Variants in GTF2F2 observed in about 807,000 individuals in gnomAD.
GTF2F2 encodes general transcription factor IIF subunit 2, also known as ATP-dependent helicase GTF2F2.
GTF2F2 carries 23 observed loss-of-function variants against 42.2 expected under a neutral mutation model. That is an observed-to-expected ratio of 0.55 (90% CI 0.39 to 0.77). The LOEUF (loss-of-function observed/expected upper bound fraction) is 0.77, where lower values mean the gene tolerates loss of function less well. GTF2F2 is among the 30% of genes least tolerant of loss of function. The pLI is 0.00. For missense variants in GTF2F2, 261 were observed against 287.2 expected, an observed-to-expected ratio of 0.91 and a Z score of 0.66; for synonymous variants, 105 against 100.8, an observed-to-expected ratio of 1.04 and a Z score of -0.25.
intron 4 of GTF2F2, among the ~76,000 whole-genome samples, chr13:45,158,402 T>A (rs1278648321): frequency 6.6e-6 from 1 of 152,236 alleles, no homozygotes; most frequent in East Asian, 1.9e-4. Context: ...TTTTTCTTTA[T>A]AAATTACCCA....
chr13:45,124,038 T>G, intron 1 of GTF2F2: 4 of 1,139,110 alleles, frequency 3.5e-6, no homozygotes, highest in Non-Finnish European at 1.3e-6. Context: ...ATGTGGGCCA[T>G]GAGGTCCCCC....
chr13:45,259,550 A>G (rs1374409525), intron 6 of GTF2F2, among the ~76,000 whole-genome samples: 3 of 152,174 alleles, frequency 2.0e-5, no homozygotes, highest in Non-Finnish European at 4.4e-5. Flanking sequence ...ACTGAACCAA[A>G]GAGATGAGAA....
At chr13:45,160,463 A>C (rs977710378) in intron 4 of GTF2F2, among the ~76,000 whole-genome samples, 3 of 152,218 alleles carry the variant, frequency 2.0e-5, no homozygotes, top group African/African-American at 7.2e-5. Flanking sequence ...ACTCTCTTAC[A>C]TTAAATTCAC....
At chr13:45,245,666 A>AAAAT (rs1491331653) in intron 5 of GTF2F2, among the ~76,000 whole-genome samples, 51 of 110,860 alleles carry the variant, frequency 4.6e-4, no homozygotes, top group Admixed American at 1.3e-3. Flanking sequence ...CCATGGTGTG[A>AAAAT]ATATATATAT....
At chr13:45,218,380 A>C (rs1249176050) in intron 5 of GTF2F2, among the ~76,000 whole-genome samples, 3 of 152,228 alleles carry the variant, frequency 2.0e-5, no homozygotes, top group African/African-American at 7.2e-5. Flanking sequence ...TTTATCTGTC[A>C]GAAAATTGTG....
intron 6 of GTF2F2, among the ~76,000 whole-genome samples, chr13:45,263,526 C>T (rs1263966399): frequency 6.6e-6 from 1 of 152,184 alleles, no homozygotes; most frequent in Non-Finnish European, 1.5e-5. Flanking sequence ...CCGCACCTGG[C>T]TTACAGACAA....
intron 5 of GTF2F2, among the ~76,000 whole-genome samples, chr13:45,219,040 T>G (rs559227667): frequency 0.016 from 2,423 of 152,150 alleles, 70 homozygotes; most frequent in African/African-American, 0.051. Context: ...GTTTTGTTTT[T>G]TTTAAAAAAA....
At position 45,283,472 on chromosome 13, in the gene GTF2F2, G is replaced by T; in HGVS notation, c.661G>T (p.Gly221Cys). The stretch of plus-strand genomic sequence containing the variant: ...CCTGAAGGAAATCTTAAAAGAAATT[G>T]GTGTTCAGAATGTAAAAGGGATCCA... ...VYLKEILKEI[G>C]VQNVKGIHKN... Residue 221 changes from glycine to cysteine, a missense_variant, in exon 8 of 8, where the codon GGT (glycine) becomes TGT (cysteine). By Grantham distance (159) the Gly-to-Cys change is radical. Coordinates refer to ENST00000340473, the MANE Select transcript of GTF2F2 (RefSeq NM_004128.3). 1 of 1,611,402 alleles carries T rather than the reference G, an allele frequency of 6.2e-7. No individual in the cohort carries two copies. The highest frequency in any genetic ancestry group is 8.5e-7 in the Non-Finnish European group (1 of 1,178,152).
chr13:45,176,925 A>G (rs769125491), intron 4 of GTF2F2, among the ~76,000 whole-genome samples: 1 of 152,008 alleles, frequency 6.6e-6, no homozygotes, highest in Non-Finnish European at 1.5e-5. Context: ...AGCCGGGATT[A>G]TAGGTGCCCG....
chr13:45,273,267 G>A (rs774892647), intron 7 of GTF2F2, among the ~76,000 whole-genome samples: 1 of 151,810 alleles, frequency 6.6e-6, no homozygotes, highest in Non-Finnish European at 1.5e-5. Flanking sequence ...GTGGAGACAG[G>A]ATCTTACTAT....
At position 45,120,732 on chromosome 13, in the gene GTF2F2, C is replaced by G; in HGVS notation, c.66+11C>G. The G allele has an allele frequency of 6.5e-7, 1 of 1,545,904 alleles. No individual in the cohort carries two copies. Among genetic ancestry groups the G allele is most frequent in the African/African-American group, 1.4e-5 (1 of 73,250 alleles). On this transcript the variant is annotated intron_variant, in intron 1 of 7. Transcript: ENST00000340473. Reference sequence around the variant, plus strand: ...GTGTGGCTAGTCAAGGTAATGTTCGCGAGTCTCCCACTTGCGCTCCTCCTA... The same window carrying G: ...GTGTGGCTAGTCAAGGTAATGTTCGGGAGTCTCCCACTTGCGCTCCTCCTA...
intron 5 of GTF2F2, among the ~76,000 whole-genome samples, chr13:45,238,721 G>A (rs927845468): frequency 4.6e-5 from 7 of 151,862 alleles, no homozygotes; most frequent in Admixed American, 4.6e-4. Flanking sequence ...GAGGCAGGCG[G>A]ATCACCTGAG....
chr13:45,275,672 T>C (rs1877004005), intron 7 of GTF2F2, among the ~76,000 whole-genome samples: 1 of 152,126 alleles, frequency 6.6e-6, no homozygotes, highest in Admixed American at 6.5e-5. Context: ...ATGGTGTATA[T>C]GTGCCACATT....
At chr13:45,210,155 A>G (rs373294129) in intron 5 of GTF2F2, among the ~76,000 whole-genome samples, 46 of 152,140 alleles carry the variant, frequency 3.0e-4, no homozygotes, top group African/African-American at 1.0e-3. Context: ...AGTGCTTCCT[A>G]TATTACTCAG....
At chr13:45,245,831 C>G (rs752632959) in intron 5 of GTF2F2, among the ~76,000 whole-genome samples, 3 of 145,034 alleles carry the variant, frequency 2.1e-5, no homozygotes, top group Non-Finnish European at 3.0e-5. Context: ...GTCCCAGCTA[C>G]TCGGGAGGCT....
chr13:45,163,298 A>G (rs1871122214), intron 4 of GTF2F2, among the ~76,000 whole-genome samples: 2 of 152,198 alleles, frequency 1.3e-5, no homozygotes, highest in Admixed American at 1.3e-4. Context: ...TTGTAAAACC[A>G]AACCTAACTT....
chr13:45,150,796 G>A (rs959815269), intron 3 of GTF2F2, among the ~76,000 whole-genome samples: 6 of 150,940 alleles, frequency 4.0e-5, no homozygotes, highest in Admixed American at 2.6e-4. Flanking sequence ...AGCCCACCTC[G>A]GCCTCTCAAG....
chr13:45,203,806 T>C (rs1404803631), intron 4 of GTF2F2, among the ~76,000 whole-genome samples: 5 of 152,160 alleles, frequency 3.3e-5, no homozygotes, highest in African/African-American at 7.2e-5. Flanking sequence ...AGAGCCTTTG[T>C]TAATCTAGAG....
At chr13:45,159,370 A>G (rs565555284) in intron 4 of GTF2F2, among the ~76,000 whole-genome samples, 22 of 152,362 alleles carry the variant, frequency 1.4e-4, no homozygotes, top group African/African-American at 4.8e-4. Context: ...CAAGTATAGT[A>G]AATGAAAAAG....
Sources: allele counts gnomAD v4.1 joint callset (sites outside exome capture counted in the v4.1 genomes callset), GRCh38; gene constraint gnomAD v4.1.1; transcripts MANE v1.5; gene names NCBI Gene and HGNC (gene_info 2026-07-23, HGNC 2026-07-21).